Variants in CAPN13 observed in about 807,000 individuals in gnomAD.
CAPN13 encodes calpain 13, also known as calpain-13.
Under a neutral mutation model 98.4 loss-of-function variants are expected in CAPN13, and 90 were observed. The ratio of observed to expected loss-of-function variants is 0.92; its 90% CI spans 0.77 to 1.09. CAPN13 has a LOEUF of 1.09. Ranked by LOEUF, CAPN13 falls within the 50% of genes least tolerant of loss-of-function variation. The pLI, the probability that CAPN13 is intolerant of heterozygous loss-of-function variation, is 0.00. For missense variants in CAPN13, 887 were observed against 841.3 expected (o/e 1.05, Z -0.67); for synonymous variants, 330 against 305.5 (o/e 1.08, Z -0.84).
intron 11 of CAPN13, among the ~76,000 whole-genome samples, chr2:30,747,958 G>A (rs1270620581): frequency 6.6e-6 from 1 of 152,222 alleles, no homozygotes; most frequent in Non-Finnish European, 1.5e-5. Flanking sequence ...GTAGGAAAGT[G>A]GGCTTGATGT....
intron 7 of CAPN13, among the ~76,000 whole-genome samples, chr2:30,762,051 G>C (rs1672875309): frequency 1.3e-5 from 2 of 152,186 alleles, no homozygotes; most frequent in Non-Finnish European, 2.9e-5. Flanking sequence ...GAAATACAGA[G>C]ATCAGGGAAC....
intron 7 of CAPN13, among the ~76,000 whole-genome samples, 174 bp from the exon 8 acceptor site, chr2:30,758,311 C>T (rs1672564831): frequency 1.3e-5 from 2 of 152,232 alleles, no homozygotes; most frequent in Non-Finnish European, 2.9e-5. Context: ...CTACTGCCTG[C>T]ATGGCGTTGG....
Position 30,732,462 on chromosome 2 carries a change from G to A in CAPN13, c.1903C>T (p.Leu635=), listed in dbSNP as rs769985469. 1 of 1,613,716 alleles carries A rather than the reference G, an allele frequency of 6.2e-7. No homozygotes were observed. The part of the protein sequence containing the change: ...RVSFPSLVCF[L]MRLEAMAKTF... ...CTTGCCATGGCTTCAAGCCGCATCA[G>A]GAAGCAGACCAGGCTGGGGAAGCTG... is the stretch of plus-strand genomic sequence containing the variant. Residue 635 remains leucine, a synonymous_variant, in exon 20 of 23, where the codon CTG becomes TTG. Transcript: ENST00000295055.
At chr2:30,753,951 T>C (rs940179846) in intron 9 of CAPN13, among the ~76,000 whole-genome samples, 4 of 151,956 alleles carry the variant, frequency 2.6e-5, no homozygotes, top group Non-Finnish European at 5.9e-5. Context: ...AGCTCGAGGG[T>C]CCCAGCAAGA....
chr2:30,753,762 C>A (rs1345718079), intron 9 of CAPN13, among the ~76,000 whole-genome samples: 1 of 152,138 alleles, frequency 6.6e-6, no homozygotes, highest in Non-Finnish European at 1.5e-5. Flanking sequence ...CTCCGTAAAC[C>A]AGACAACCCT....
intron 18 of CAPN13, 121 bp from the exon 19 acceptor site, chr2:30,734,645 A>G: frequency 1.3e-6 from 1 of 749,148 alleles, no homozygotes; most frequent in Non-Finnish European, 2.3e-6. Context: ...AGCACTGAGG[A>G]CTGGGAGGAC....
chr2:30,750,130 C>T (rs747247112), intron 11 of CAPN13, among the ~76,000 whole-genome samples: 5 of 152,112 alleles, frequency 3.3e-5, no homozygotes, highest in Non-Finnish European at 7.4e-5. Context: ...TATTATGCAG[C>T]CACAAAAACA....
chr2:30,799,811 CT>C (rs1195326069), intron 1 of CAPN13, among the ~76,000 whole-genome samples: 1 of 152,162 alleles, frequency 6.6e-6, no homozygotes, highest in Non-Finnish European at 1.5e-5. Context: ...CAGTGGTTCA[CT>C]CCTGTAATCC....
intron 22 of CAPN13, chr2:30,729,476 G>T (rs1007938731): frequency 7.2e-5 from 11 of 152,194 alleles, no homozygotes; most frequent in African/African-American, 2.7e-4. Context: ...TAAGCCTTTA[G>T]GCCCTGTGTA....
intron 4 of CAPN13, 55 bp downstream of exon 4, chr2:30,775,874 TC>T (rs749928783): frequency 2.6e-4 from 350 of 1,327,870 alleles, no homozygotes; most frequent in Middle Eastern, 3.8e-4. Context: ...ACTTTCACCT[TC>T]CCTGTACTCA....
chr2:30,727,133 A>C (rs1195233458), intron 22 of CAPN13, among the ~76,000 whole-genome samples: 10 of 152,206 alleles, frequency 6.6e-5, no homozygotes. Context: ...AAATGAATGA[A>C]TGCAAAAGAA....
chr2:30,759,069 TCCTCCCTC>T (rs1186556081), intron 7 of CAPN13, among the ~76,000 whole-genome samples: 597 of 11,172 alleles, frequency 0.053, 17 homozygotes, highest in East Asian at 0.33. Context: ...CCTCCCTCCC[TCCTCCCTC>T]CCTTCCTCTC....
chr2:30,742,593 G>A (rs2276571), intron 13 of CAPN13, among the ~76,000 whole-genome samples: 35 of 152,292 alleles, frequency 2.3e-4, no homozygotes, highest in African/African-American at 7.5e-4. Flanking sequence ...TCCACAACCC[G>A]ATACACACTT....
intron 1 of CAPN13, among the ~76,000 whole-genome samples, chr2:30,788,352 T>G (rs926310036): frequency 1.3e-5 from 2 of 152,182 alleles, no homozygotes; most frequent in African/African-American, 2.4e-5. Context: ...CATCCCAATT[T>G]TCCTTGAGTT....
At chr2:30,801,466 G>T (rs1030644270) in intron 1 of CAPN13, among the ~76,000 whole-genome samples, 9 of 151,810 alleles carry the variant, frequency 5.9e-5, no homozygotes, top group Non-Finnish European at 1.0e-4. Context: ...CTAGCTGGGC[G>T]TGGTGGTGTG....
chr2:30,736,527 C>A lies in CAPN13; in HGVS notation c.1698G>T (p.Leu566=). The change falls in exon 18 of 23, where the codon CTG becomes CTT. Residue 566 remains leucine (L), a synonymous_variant. Transcript: ENST00000295055. ...CCTGGTAGTGAACAAGGCGCTTCCA[C>A]AGTCGCGCAAACTCCTCTTGGTCTA... The part of the protein sequence containing the change: ...GRLDQEEFAR[L]WKRLVHYQHV... 5.0e-6 allele frequency: 8 copies of A among 1,614,022 alleles called. No individual in the cohort carries two copies. The highest frequency in any genetic ancestry group is 6.8e-6 in the Non-Finnish European group (8 of 1,179,902).
At chr2:30,741,281 C>T (rs1558616169) in intron 15 of CAPN13, 1 of 691,072 alleles carries the variant, frequency 1.4e-6, no homozygotes, top group Non-Finnish European at 1.8e-6. Flanking sequence ...CAGGGCCTGC[C>T]ATCCTTCCTG....
At chr2:30,795,478 T>C (rs1033439744) in intron 1 of CAPN13, among the ~76,000 whole-genome samples, 1 of 152,110 alleles carries the variant, frequency 6.6e-6, no homozygotes, top group African/African-American at 2.4e-5. Flanking sequence ...TGGTAACTCC[T>C]ATGTCTTAAT....
intron 4 of CAPN13, among the ~76,000 whole-genome samples, chr2:30,770,902 A>G (rs1301094129): frequency 6.6e-6 from 1 of 152,198 alleles, no homozygotes; most frequent in Non-Finnish European, 1.5e-5. Flanking sequence ...AAGAGGCAGG[A>G]TTTAAGCACG....
Sources: allele counts gnomAD v4.1 joint callset (sites outside exome capture counted in the v4.1 genomes callset), GRCh38; gene constraint gnomAD v4.1.1; transcripts MANE v1.5; gene names NCBI Gene and HGNC (gene_info 2026-07-23, HGNC 2026-07-21).